ZMIZ2: variants seen among roughly 807,000 people sequenced by gnomAD.
The protein encoded by ZMIZ2 is zinc finger MIZ-type containing 2.
A neutral mutation model predicts 93.9 loss-of-function variants in ZMIZ2; 26 were observed. The observed-to-expected ratio is 0.28, with a 90% CI of 0.20 to 0.38. The LOEUF is 0.38. ZMIZ2 is among the 10% of genes least tolerant of loss of function. ZMIZ2 has a pLI of 1.00. For missense variants in ZMIZ2, 1,023 were observed against 1,235.0 expected (o/e 0.83, Z 2.57); for synonymous variants, 485 against 516.4 (o/e 0.94, Z 0.82).
chr7:44,760,508 T>C lies in ZMIZ2; in HGVS notation c.1155T>C (p.Pro385=), dbSNP rs771984191. ...CCATGACCCCAAGCAGCAGCGTCCC[T>C]TACATGTCACCAAACCAAGAGGTCA... ...TPPMTPSSSV[P]YMSPNQEVKS... The change falls in exon 9 of 19, where the codon CCT becomes CCC. Residue 385 remains proline, a synonymous_variant. Transcript: ENST00000309315. 8 of 1,613,996 alleles carry C rather than the reference T, an allele frequency of 5.0e-6. No individual in the cohort carries two copies. In the South Asian group the frequency reaches 6.6e-5, roughly 13 times the overall value.
intron 8 of ZMIZ2, 93 bp downstream of exon 8, chr7:44,760,321 C>A (rs1791048869): frequency 6.4e-7 from 1 of 1,568,374 alleles, no homozygotes; most frequent in African/African-American, 1.4e-5. Flanking sequence ...GGGCCGCCTC[C>A]TGTCCACCTC....
At position 44,767,978 on chromosome 7, in the gene ZMIZ2, C is replaced by G; in HGVS notation, c.*355C>G. On this transcript the variant is annotated 3_prime_UTR_variant, in exon 19 of 19. Transcript: ENST00000309315. ...TTGTCCTTCCACCCCTGCCTGCCCCCACCCAGCCTGCTTCTTGTCCAGCAT... is the reference window on the plus strand; with the variant it reads ...TTGTCCTTCCACCCCTGCCTGCCCCGACCCAGCCTGCTTCTTGTCCAGCAT... The G allele has an allele frequency of 2.8e-6, 1 of 362,684 alleles. No individual in the cohort carries two copies. The highest frequency in any genetic ancestry group is 5.3e-6 in the Non-Finnish European group (1 of 190,300). The allele number at this position is 362,684 out of a possible 1,614,324, so 22.5% of individuals were successfully genotyped here. A position where few individuals can be genotyped will look rare whatever the true frequency, so the allele number is the denominator to read the frequency against.
In ZMIZ2 at chr7:44,765,594, C is replaced by G; in HGVS notation, c.2242+15C>G. ...CCCTGGCCAGGGTAAGTACAGCAGG[C>G]TAGCCTTGAACCTCAGATGACCCTG... On this transcript the variant is annotated intron_variant, in intron 16 of 18. Transcript: ENST00000309315. This position sits in a 1 kb window ranked among gnomAD's most constrained non-coding sequence, Gnocchi z 4.1. 6.7e-7 allele frequency: 1 copy of G among 1,482,978 alleles called. No individual in the cohort carries two copies. Among genetic ancestry groups the G allele is most frequent in the Non-Finnish European group, 9.0e-7 (1 of 1,107,354 alleles). 91.9% of individuals were successfully genotyped at this position (1,482,978 alleles called of 1,614,324 possible).
intron 1 of ZMIZ2, among the ~76,000 whole-genome samples, chr7:44,754,283 G>A (rs1790403192): frequency 6.6e-6 from 1 of 152,168 alleles, no homozygotes; most frequent in South Asian, 2.1e-4. Flanking sequence ...CCAGGTGCCT[G>A]GAGCCTTCTG....
In ZMIZ2 at chr7:44,763,463, C is replaced by T. The variant is rs1439229356; in HGVS notation, c.1860+50C>T. On this transcript the variant is annotated intron_variant, in intron 13 of 18. Transcript: ENST00000309315. This position sits in a 1 kb window ranked among gnomAD's most constrained non-coding sequence, Gnocchi z 5.6. ...CCGGAATTTGCTGCTGCTAAAATAT[C>T]TTGAGTCGATACATCAGTGTCATTC... 1 of 1,605,640 alleles carries T rather than the reference C, an allele frequency of 6.2e-7. No homozygotes were observed. Among genetic ancestry groups the T allele is most frequent in the South Asian group, 1.1e-5 (1 of 90,040 alleles).
intron 1 of ZMIZ2, among the ~76,000 whole-genome samples, chr7:44,754,494 G>A (rs565210337): frequency 6.6e-6 from 1 of 152,266 alleles, no homozygotes; most frequent in Admixed American, 6.5e-5. Flanking sequence ...TCCAGTGAAA[G>A]GCCACATGCT....
At chr7:44,751,721 C>T (rs555345398) in intron 1 of ZMIZ2, among the ~76,000 whole-genome samples, 2 of 152,274 alleles carry the variant, frequency 1.3e-5, no homozygotes, top group Non-Finnish European at 2.9e-5. Flanking sequence ...TTTGGGAGGC[C>T]GAGGTGGGTG....
At chr7:44,757,261 T>C (rs1338244134) in intron 4 of ZMIZ2, 112 bp downstream of exon 4, 2 of 1,497,466 alleles carry the variant, frequency 1.3e-6, no homozygotes, top group African/African-American at 2.8e-5. Flanking sequence ...CTGACAGCTG[T>C]AGTGGAGGGT....
intron 1 of ZMIZ2, among the ~76,000 whole-genome samples, chr7:44,752,193 G>T (rs918133433): frequency 2.0e-5 from 3 of 149,868 alleles, no homozygotes; most frequent in African/African-American, 7.4e-5. Context: ...GCAATGGTGC[G>T]ATCGGCTCAC....
intron 9 of ZMIZ2, 41 bp downstream of exon 9, chr7:44,760,634 A>T: frequency 6.2e-7 from 1 of 1,610,072 alleles, no homozygotes. Context: ...TGACAAGGCC[A>T]GGGTGGGCAT....
At chr7:44,751,633 A>G (rs1484261118) in intron 1 of ZMIZ2, among the ~76,000 whole-genome samples, 2 of 152,274 alleles carry the variant, frequency 1.3e-5, no homozygotes, top group Non-Finnish European at 2.9e-5. Context: ...GGCTGGTGGT[A>G]GCAGTTGTAT....
At chr7:44,752,160 A>G (rs898618488) in intron 1 of ZMIZ2, among the ~76,000 whole-genome samples, 2 of 145,908 alleles carry the variant, frequency 1.4e-5, no homozygotes, top group African/African-American at 5.1e-5. Context: ...ATGGAGTTTC[A>G]CTCTTGCTGC....
At position 44,765,505 on chromosome 7, in the gene ZMIZ2, T is replaced by C; in HGVS notation, c.2168T>C (p.Leu723Pro). 6.3e-7 allele frequency: 1 copy of C among 1,598,266 alleles called. No homozygotes were observed. Among genetic ancestry groups the C allele is most frequent in the Non-Finnish European group, 8.5e-7 (1 of 1,179,308 alleles). Residue 723 changes from leucine (L) to proline (P), a missense_variant, in exon 16 of 19, where the codon CTG becomes CCG. Physicochemically the swap from Leu to Pro is moderately conservative, Grantham distance 98 (BLOSUM62 -3). Coordinates refer to ENST00000309315, the MANE Select transcript of ZMIZ2 (RefSeq NM_031449.4). The surrounding 1 kb of genome is among the most constrained non-coding windows in gnomAD (Gnocchi z 4.1). The stretch of plus-strand genomic sequence containing the variant: ...AGCGTGATGGAGATGATCGCCGCCC[T>C]GGGCCCCGGCGCTGCCCCCTTTGCC... ...MPSVMEMIAALGPGAAPFAPL... is the reference protein window; with the variant it reads ...MPSVMEMIAAPGPGAAPFAPL...
Position 44,765,421 on chromosome 7 carries a change from C to T in ZMIZ2, c.2084C>T (p.Pro695Leu), listed in dbSNP as rs776947764. 1.5e-5 allele frequency: 24 copies of T among 1,611,506 alleles called. No individual in the cohort carries two copies. The highest frequency in any genetic ancestry group is 5.3e-5 in the African/African-American group (4 of 74,914). The change falls in exon 16 of 19, where the codon CCG (proline) becomes CTG (leucine). Residue 695 changes from proline (P) to leucine (L), a missense_variant. Physicochemically the swap from Pro to Leu is moderately conservative, Grantham distance 98. This residue lies in a region of ZMIZ2 where 319 missense variants were observed against 358.8 expected (regional missense o/e 0.89). Transcript: ENST00000309315. The surrounding 1 kb of genome is among the most constrained non-coding windows in gnomAD (Gnocchi z 4.1). Reference sequence around the variant, plus strand: ...CCTGACATGCACATCAAGGAGGAGCCGGATGGGCCAGCACTGAAGCGCTGC... The same window carrying T: ...CCTGACATGCACATCAAGGAGGAGCTGGATGGGCCAGCACTGAAGCGCTGC... Reference protein sequence around the residue: ...VKPDMHIKEEPDGPALKRCRT... With the variant: ...VKPDMHIKEELDGPALKRCRT...
intron 5 of ZMIZ2, 136 bp downstream of exon 5, chr7:44,757,697 T>G: frequency 7.8e-7 from 1 of 1,285,726 alleles, no homozygotes; most frequent in Non-Finnish European, 9.9e-7. Context: ...GAGAGATGTG[T>G]GGGAAGGAGT....
chr7:44,751,531 C>T (rs187883115), intron 1 of ZMIZ2, among the ~76,000 whole-genome samples: 2 of 152,236 alleles, frequency 1.3e-5, no homozygotes, highest in Non-Finnish European at 2.9e-5. Context: ...CTGCCAGATT[C>T]CCTCTCTGTT....
At chr7:44,755,244 C>T (rs1325840675) in intron 1 of ZMIZ2, among the ~76,000 whole-genome samples, 1 of 152,210 alleles carries the variant, frequency 6.6e-6, no homozygotes, top group East Asian at 1.9e-4. Flanking sequence ...CTTGCAGAGT[C>T]ACTTCAATGT....
chr7:44,767,979 A>C lies in ZMIZ2; in HGVS notation c.*356A>C. ...TGTCCTTCCACCCCTGCCTGCCCCC[A>C]CCCAGCCTGCTTCTTGTCCAGCATT... is the stretch of plus-strand genomic sequence containing the variant. On this transcript the variant is annotated 3_prime_UTR_variant, in exon 19 of 19. Coordinates refer to ENST00000309315, the MANE Select transcript of ZMIZ2 (RefSeq NM_031449.4). 1 of 348,288 alleles carries C rather than the reference A, an allele frequency of 2.9e-6. No individual in the cohort carries two copies. 21.6% of individuals were successfully genotyped at this position (348,288 alleles called of 1,614,324 possible). A position where few individuals can be genotyped will look rare whatever the true frequency, so the allele number is the denominator to read the frequency against.
At position 44,761,517 on chromosome 7, in the gene ZMIZ2, C is replaced by G; in HGVS notation, c.1309C>G (p.Arg437Gly). 1 of 1,614,132 alleles carries G rather than the reference C, an allele frequency of 6.2e-7. No individual in the cohort carries two copies. Among genetic ancestry groups the G allele is most frequent in the Non-Finnish European group, 8.5e-7 (1 of 1,180,038 alleles). Residue 437 changes from arginine (R) to glycine (G), a missense_variant, in exon 10 of 19, where the codon CGC (arginine) becomes GGC (glycine). This residue lies in a region of ZMIZ2 where 656 missense variants were observed against 777.1 expected (regional missense o/e 0.84). Coordinates refer to ENST00000309315, the MANE Select transcript of ZMIZ2 (RefSeq NM_031449.4). This position sits in a 1 kb window ranked among gnomAD's most constrained non-coding sequence, Gnocchi z 5.8. ...VRDGVVLEPF[R>G]LQHNLAVSNH... Reference sequence around the variant, plus strand: ...CGATGGGGTGGTCCTGGAGCCCTTCCGCCTGCAGCACAACCTGGCTGTAAG... The same window carrying G: ...CGATGGGGTGGTCCTGGAGCCCTTCGGCCTGCAGCACAACCTGGCTGTAAG...
Sources: gnomAD v4.1 joint callset for allele counts (sites outside exome capture counted in the v4.1 genomes callset) on GRCh38, gnomAD v4.1.1 for gene constraint, gnomAD v4.1.1 regional missense constraint, Gnocchi (gnomAD v3.1) non-coding constraint, MANE v1.5 for transcripts, NCBI Gene and HGNC (gene_info 2026-07-23, HGNC 2026-07-21) for gene names.